Variants in KLF8 observed in about 807,000 individuals in gnomAD.
KLF8 encodes Krueppel-like factor 8.
Under a neutral mutation model 18.2 loss-of-function variants are expected in KLF8, and 10 were observed. That is an observed-to-expected ratio of 0.55 (90% CI 0.34 to 0.93). The LOEUF is 0.93. Among genes scored for constraint, KLF8 ranks in the 40% least tolerant of loss-of-function variants. The probability of loss-of-function intolerance (pLI) is 0.02; values close to 1 mark genes in which losing one functional copy is unlikely to be tolerated. For missense variants in KLF8, 264 were observed against 277.9 expected (o/e 0.95, Z 0.36); for synonymous variants, 109 against 97.3 (o/e 1.12, Z -0.71).
At chrX:55,980,879 G>A in the KLF8 span, among the ~76,000 whole-genome samples, 41 of 112,140 alleles carry the variant, frequency 3.7e-4, no homozygotes, top group African/African-American at 1.3e-3. Flanking sequence ...TCCTTTTACC[G>A]TTTGAAGTCT....
the KLF8 span, among the ~76,000 whole-genome samples, chrX:55,965,912 G>A: frequency 1.8e-5 from 2 of 111,761 alleles, no homozygotes; most frequent in South Asian, 3.8e-4. Context: ...CCACTGATAT[G>A]AAGTTTGTGT....
the KLF8 span, among the ~76,000 whole-genome samples, chrX:56,225,318 C>T: frequency 9.0e-6 from 1 of 111,326 alleles, no homozygotes; most frequent in Admixed American, 9.6e-5. Flanking sequence ...ACTTGTTTAC[C>T]TGGTAAACTA....
the KLF8 span, among the ~76,000 whole-genome samples, chrX:55,968,216 C>A: frequency 2.7e-5 from 3 of 110,421 alleles, no homozygotes; most frequent in Non-Finnish European, 5.7e-5. Flanking sequence ...AACCAGGAAT[C>A]AAATAAAAAA....
At chrX:56,066,779 C>A in the KLF8 span, among the ~76,000 whole-genome samples, 1 of 110,813 alleles carries the variant, frequency 9.0e-6, no homozygotes. Flanking sequence ...CTAGACCTTC[C>A]AAATGGTGCC....
the KLF8 span, among the ~76,000 whole-genome samples, chrX:55,940,569 G>A: frequency 6.3e-5 from 7 of 111,736 alleles, no homozygotes; most frequent in African/African-American, 2.3e-4. Context: ...ATTCAATTAG[G>A]AAAAGAGGAA....
At chrX:56,246,632 A>G (rs1286845613) in intron 1 of KLF8, among the ~76,000 whole-genome samples, 1 of 111,719 alleles carries the variant, frequency 9.0e-6, no homozygotes. Context: ...GTTTTACTAC[A>G]CTTTGAGAGC....
chrX:55,912,953 G>T, the KLF8 span, among the ~76,000 whole-genome samples: 1 of 111,939 alleles, frequency 8.9e-6, no homozygotes, highest in Non-Finnish European at 1.9e-5. Flanking sequence ...GCTAGTAAGC[G>T]GCAGAGCTGA....
the KLF8 span, among the ~76,000 whole-genome samples, chrX:56,099,971 G>T: frequency 8.9e-6 from 1 of 112,240 alleles, no homozygotes; most frequent in Admixed American, 9.5e-5. Context: ...TTAAACAGCA[G>T]ATTGTCAATG....
chrX:55,954,828 C>G, the KLF8 span, among the ~76,000 whole-genome samples: 1 of 111,557 alleles, frequency 9.0e-6, no homozygotes, highest in Admixed American at 9.5e-5. Flanking sequence ...TATAGTATAT[C>G]CGTACAATGG....
At chrX:56,037,971 C>T in the KLF8 span, among the ~76,000 whole-genome samples, 1 of 111,629 alleles carries the variant, frequency 9.0e-6, no homozygotes, top group Non-Finnish European at 1.9e-5. Flanking sequence ...CCACCACTTC[C>T]AGCCCCTCAC....
chrX:56,163,333 C>G, the KLF8 span, among the ~76,000 whole-genome samples: 1 of 111,912 alleles, frequency 8.9e-6, no homozygotes, highest in African/African-American at 3.2e-5. Flanking sequence ...ATTTGCATTT[C>G]TGTAATAACA....
the KLF8 span, among the ~76,000 whole-genome samples, chrX:56,125,849 A>T: frequency 5.4e-5 from 6 of 111,788 alleles, no homozygotes; most frequent in Non-Finnish European, 1.1e-4. Context: ...AACCTCAGCT[A>T]TATCATGTGA....
At position 56,258,888 on chromosome X, in the gene KLF8, A is replaced by G. The variant is rs368550246; in HGVS notation, c.82-6292A>G. Among the ~76,000 whole-genome samples the G allele has an allele frequency of 2.4e-4, 27 of 111,724 alleles. 1 individual carries two copies. In the South Asian group the frequency reaches 0.01, roughly 43 times the overall value. On this transcript the variant is annotated intron_variant, in intron 2 of 5. Coordinates refer to ENST00000468660, the MANE Select transcript of KLF8 (RefSeq NM_007250.5). ...CAATGCTGGCATCATTCTAGTGTGG[A>G]GAAGCCTCCTGGTTTGATTCATTAT...
At chrX:55,921,304 C>T in the KLF8 span, among the ~76,000 whole-genome samples, 1 of 111,958 alleles carries the variant, frequency 8.9e-6, no homozygotes, top group Non-Finnish European at 1.9e-5. Flanking sequence ...GGAATCCTTT[C>T]CCAGTTGCTT....
At chrX:56,000,492 A>ATT in the KLF8 span, among the ~76,000 whole-genome samples, 1 of 17,930 alleles carries the variant, frequency 5.6e-5, no homozygotes, top group African/African-American at 1.0e-4. Flanking sequence ...GGGGGGAGGG[A>ATT]TTTTTTTTTA....
the KLF8 span, among the ~76,000 whole-genome samples, chrX:56,019,048 T>C: frequency 8.9e-6 from 1 of 112,033 alleles, no homozygotes; most frequent in Admixed American, 9.5e-5. Context: ...TTTCCAGATG[T>C]TTTGGTCATT....
the KLF8 span, among the ~76,000 whole-genome samples, chrX:55,955,310 TA>T: frequency 1.8e-5 from 2 of 111,101 alleles, no homozygotes; most frequent in African/African-American, 6.5e-5. Flanking sequence ...TGAAGAATAG[TA>T]AAAAATGCCA....
chrX:56,087,447 G>T, the KLF8 span, among the ~76,000 whole-genome samples: 1 of 110,023 alleles, frequency 9.1e-6, no homozygotes, highest in Non-Finnish European at 1.9e-5. Context: ...CCCCTCTCTT[G>T]TTCCTGCTCC....
At chrX:56,208,038 C>A in the KLF8 span, among the ~76,000 whole-genome samples, 1 of 110,687 alleles carries the variant, frequency 9.0e-6, no homozygotes, top group Non-Finnish European at 1.9e-5. Flanking sequence ...ACCATCAGAT[C>A]TTAGGCGTAT....
Sources: allele counts gnomAD v4.1 joint callset (sites outside exome capture counted in the v4.1 genomes callset), GRCh38; gene constraint gnomAD v4.1.1; transcripts MANE v1.5; gene names NCBI Gene and HGNC (gene_info 2026-07-23, HGNC 2026-07-21).